Variants in ZNF730 observed in about 807,000 individuals in gnomAD.
ZNF730 encodes the protein putative zinc finger protein 730.
In ZNF730, 12 loss-of-function variants were observed where a neutral mutation model predicts 12.6. The observed-to-expected ratio is 0.95, with a 90% CI of 0.61 to 1.54. The LOEUF is 1.54. Among genes scored for constraint, ZNF730 ranks in the 40% most tolerant of loss-of-function variants. The pLI is 0.00. For missense variants in ZNF730, 643 were observed against 583.5 expected, an observed-to-expected ratio of 1.10 and a Z score of -1.05; for synonymous variants, 194 against 195.8, an observed-to-expected ratio of 0.99 and a Z score of 0.08.
upstream of ZNF730, chr19:23,116,863 T>A (rs1970533692): frequency 1.8e-6 from 1 of 544,752 alleles, no homozygotes; most frequent in Non-Finnish European, 3.2e-6. Flanking sequence ...GGCTGCAGCC[T>A]ACGCTGTCAC....
At chr19:23,127,962 G>C (rs2145635508) in intron 1 of ZNF730, 1 of 724,528 alleles carries the variant, frequency 1.4e-6, no homozygotes, top group East Asian at 2.5e-5. Flanking sequence ...GTACTGGCCT[G>C]CTGCTGGCCT....
upstream of ZNF730, chr19:23,116,844 G>T (rs1433216384): frequency 6.0e-6 from 2 of 335,396 alleles, no homozygotes; most frequent in East Asian, 5.8e-5. Context: ...AGGAAGTCCT[G>T]CCCGAAAAGG....
At position 23,117,042 on chromosome 19, in the gene ZNF730, C is replaced by T; in HGVS notation, c.-132C>T. 1 of 1,329,070 alleles carries T rather than the reference C, an allele frequency of 7.5e-7. No individual in the cohort carries two copies. Among genetic ancestry groups the T allele is most frequent in the Non-Finnish European group, 1.0e-6 (1 of 1,004,300 alleles). 82.3% of individuals were successfully genotyped at this position (1,329,070 alleles called of 1,614,324 possible). A position where few individuals can be genotyped will look rare whatever the true frequency, so the allele number is the denominator to read the frequency against. The stretch of plus-strand genomic sequence containing the variant: ...TTGGCGCGGCCTTTGTTTCTCGCTG[C>T]CGCCGAAGCTCCAATTTTCGTCTGT... On this transcript the variant is annotated 5_prime_UTR_variant, in exon 1 of 4. Coordinates refer to ENST00000597761, the MANE Select transcript of ZNF730 (RefSeq NM_001277403.2).
Position 23,085,370 on chromosome 19 carries a change from T to C in ZNF730, c.-94+9983T>C, listed in dbSNP as rs182041163. Among the ~76,000 whole-genome samples, 79 of 151,946 alleles carry C rather than the reference T, an allele frequency of 5.2e-4. 1 individual carries two copies. The highest frequency in any genetic ancestry group is 1.9e-3 in the African/African-American group (78 of 41,458). ...CCCATCTTTTTTTGCTTTTTTTCTT[T>C]TTTTTTAAGTAGAGACAGGGTTTCA... On this transcript the variant is annotated intron_variant, in intron 1 of 2. Coordinates refer to the ZNF730 transcript ENST00000593635.
rs369091481 is a variant in ZNF730 at position 23,141,561 on chromosome 19, G to A, written c.227-3710G>A. Among the ~76,000 whole-genome samples the A allele has an allele frequency of 9.1e-4, 138 of 152,300 alleles. 1 individual carries two copies. Among genetic ancestry groups the A allele is most frequent in the African/African-American group, 3.2e-3 (135 of 41,568 alleles). On this transcript the variant is annotated intron_variant, in intron 3 of 3. Coordinates refer to ENST00000597761, the MANE Select transcript of ZNF730 (RefSeq NM_001277403.2). ...CACCTTGTAATCTGTAGATTGCATT[G>A]AGCAGGATAGACACATTTACAATAT...
rs755924102 is a variant in ZNF730, at chr19:23,117,148, C to T, written c.-26C>T. On this transcript the variant is annotated 5_prime_UTR_variant, in exon 1 of 4. It adds an upstream start codon to the 5' untranslated region. Coordinates refer to ENST00000597761, the MANE Select transcript of ZNF730 (RefSeq NM_001277403.2). ...GGTATTGGGAGATCCACAGCTAAGA[C>T]GCCAGGGCCCCCTGGAAGCCTAGAA... is the stretch of plus-strand genomic sequence containing the variant. 1.2e-6 allele frequency: 2 copies of T among 1,613,820 alleles called. No individual in the cohort carries two copies. Among genetic ancestry groups the T allele is most frequent in the Middle Eastern group, 1.7e-4 (1 of 6,060 alleles).
chr19:23,140,759 C>G (rs910445032), intron 3 of ZNF730, among the ~76,000 whole-genome samples: 1 of 151,786 alleles, frequency 6.6e-6, no homozygotes, highest in Non-Finnish European at 1.5e-5. Flanking sequence ...CAAGACCAGC[C>G]TCACCAATAT....
chr19:23,109,750 T>C (rs1458500013), intron 1 of ZNF730, among the ~76,000 whole-genome samples: 1 of 152,048 alleles, frequency 6.6e-6, no homozygotes. Flanking sequence ...GGTTTCACCA[T>C]GTTGGCCAGT....
At chr19:23,137,100 A>AGGG (rs1970844544) in intron 3 of ZNF730, among the ~76,000 whole-genome samples, 2 of 151,740 alleles carry the variant, frequency 1.3e-5, no homozygotes, top group Non-Finnish European at 2.9e-5. Flanking sequence ...AATCTGGGAA[A>AGGG]TGGAGGTTGC....
chr19:23,119,817 AAAAT>A (rs534027161), intron 1 of ZNF730, among the ~76,000 whole-genome samples: 4 of 151,898 alleles, frequency 2.6e-5, no homozygotes, highest in African/African-American at 9.7e-5. Flanking sequence ...CTCCGTCTCA[AAAAT>A]AAATAAATAA....
rs1166047412 is a variant in ZNF730, at chr19:23,145,385, GA to G, written c.345del (p.Gly116AlafsTer22). 4 of 1,591,438 alleles carry G rather than the reference GA, an allele frequency of 2.5e-6. No individual in the cohort carries two copies. Among genetic ancestry groups the G allele is most frequent in the Admixed American group, 1.8e-5 (1 of 56,368 alleles). ...TGTAGACATGAGAATTTACTGTTAAGAAAAGGCTGTAAAAATGTGGATGAGT... is the reference window on the plus strand; with the variant it reads ...TGTAGACATGAGAATTTACTGTTAAGAAAGGCTGTAAAAATGTGGATGAGT... ...KKCRHENLLL[R>X]KGCKNVDEFK... On this transcript the variant is annotated frameshift_variant, in exon 4 of 4. Coordinates refer to ENST00000597761, the MANE Select transcript of ZNF730 (RefSeq NM_001277403.2). LOFTEE classifies it low-confidence loss of function (END_TRUNC).
chr19:23,108,576 C>T (rs915654647), intron 1 of ZNF730, among the ~76,000 whole-genome samples: 8 of 151,836 alleles, frequency 5.3e-5, no homozygotes, highest in African/African-American at 1.2e-4. Flanking sequence ...CTTAGCAGCT[C>T]GGTCTATAGT....
chr19:23,127,193 C>T (rs145306078), intron 1 of ZNF730: 270 of 571,988 alleles, frequency 4.7e-4, no homozygotes, highest in African/African-American at 4.4e-3. Context: ...TCCTTTACTC[C>T]GGAAATAATT....
intron 1 of ZNF730, among the ~76,000 whole-genome samples, chr19:23,092,010 C>T (rs569092198): frequency 9.9e-5 from 15 of 152,180 alleles, no homozygotes; most frequent in African/African-American, 2.4e-4. Context: ...CCAGAAGTCC[C>T]GTGTTTTGTG....
chr19:23,090,778 C>T (rs1970144947), intron 1 of ZNF730, among the ~76,000 whole-genome samples: 1 of 151,962 alleles, frequency 6.6e-6, no homozygotes, highest in Non-Finnish European at 1.5e-5. Context: ...GGGTGGATCA[C>T]CTGAAGTCAG....
chr19:23,143,267 A>G (rs1052817405), intron 3 of ZNF730, among the ~76,000 whole-genome samples: 6 of 152,136 alleles, frequency 3.9e-5, no homozygotes, highest in Admixed American at 2.0e-4. Context: ...AAAAAACAAT[A>G]TATTTTTGGT....
At chr19:23,127,573 G>A (rs1970685787) in intron 1 of ZNF730, 7 of 931,192 alleles carry the variant, frequency 7.5e-6, no homozygotes, top group Non-Finnish European at 1.2e-5. Context: ...CATGAAGCCA[G>A]ATAAATTGCT....
chr19:23,094,794 A>T (rs1970222541), intron 1 of ZNF730, among the ~76,000 whole-genome samples: 1 of 151,708 alleles, frequency 6.6e-6, no homozygotes, highest in African/African-American at 2.4e-5. Flanking sequence ...TTTAGTAGAG[A>T]TGTGGTCTCA....
At chr19:23,085,847 T>TTTTTTTTTTTTTTTTTTA in intron 1 of ZNF730, among the ~76,000 whole-genome samples, 1 of 103,472 alleles carries the variant, frequency 9.7e-6, no homozygotes, top group Non-Finnish European at 2.0e-5. Context: ...TTTTTTTTTT[T>TTTTTTTTTTTTTTTTTTA]TTTTTTTTTT....
Sources: gnomAD v4.1 joint callset for allele counts (sites outside exome capture counted in the v4.1 genomes callset) on GRCh38, gnomAD v4.1.1 for gene constraint, MANE v1.5 for transcripts, NCBI Gene and HGNC (gene_info 2026-07-23, HGNC 2026-07-21) for gene names.